The following CSMD3 variants were observed in gnomAD, a reference collection of about 807,000 sequenced individuals.
The protein encoded by CSMD3 is CUB and sushi domain-containing protein 3.
A neutral mutation model predicts 435.2 loss-of-function variants in CSMD3; 177 were observed. That is an observed-to-expected ratio of 0.41 (90% confidence interval 0.36 to 0.46). CSMD3 has a LOEUF of 0.46. Among genes scored for constraint, CSMD3 ranks in the 20% least tolerant of loss-of-function variants. The pLI is 0.34. For missense variants in CSMD3, 4,265 were observed against 4,504.6 expected (o/e 0.95, Z 1.52); for synonymous variants, 1,656 against 1,520.5 (o/e 1.09, Z -2.07).
Position 112,650,231 on chromosome 8 carries a change from C to A in CSMD3, c.3123G>T (p.Arg1041Ser), listed in dbSNP as rs529705096. The change falls in exon 19 of 71, where the codon AGG becomes AGT. Residue 1041 changes from arginine (R) to serine (S), a missense_variant. Arg to Ser is a moderately radical substitution (Grantham distance 110). Coordinates refer to ENST00000297405, the MANE Select transcript of CSMD3 (RefSeq NM_198123.2). ...TVSFSCDSGY[R>S]LSHEEPLLCE... Reference sequence around the variant, plus strand: ...ATAGAAGGGGCTCTTCATGACTCAACCTGTATCCTGAATCACAACTAAATG... The same window carrying A: ...ATAGAAGGGGCTCTTCATGACTCAAACTGTATCCTGAATCACAACTAAATG... The A allele has an allele frequency of 6.2e-7, 1 of 1,613,732 alleles. No homozygotes were observed. Among genetic ancestry groups the A allele is most frequent in the Non-Finnish European group, 8.5e-7 (1 of 1,179,772 alleles).
At chr8:112,982,389 G>A (rs1454512322) in intron 6 of CSMD3, among the ~76,000 whole-genome samples, 1 of 151,858 alleles carries the variant, frequency 6.6e-6, no homozygotes, top group Non-Finnish European at 1.5e-5. Flanking sequence ...AGAAAGAATA[G>A]GATGCCCCTC....
intron 59 of CSMD3, among the ~76,000 whole-genome samples, chr8:112,270,026 G>A (rs192768714): frequency 6.6e-6 from 1 of 152,272 alleles, no homozygotes; most frequent in African/African-American, 2.4e-5. Context: ...TAGAAACAAT[G>A]AGTGTTGGGA....
At chr8:113,403,830 C>T (rs2094520874) in intron 1 of CSMD3, among the ~76,000 whole-genome samples, 1 of 151,424 alleles carries the variant, frequency 6.6e-6, no homozygotes, top group Non-Finnish European at 1.5e-5. Flanking sequence ...GATAGAATCA[C>T]ATTGGCTTCG....
chr8:113,321,473 T>C (rs1362582352), intron 1 of CSMD3, among the ~76,000 whole-genome samples: 1 of 152,144 alleles, frequency 6.6e-6, no homozygotes, highest in East Asian at 1.9e-4. Context: ...GTTCACTTAC[T>C]AGATATTAAG....
At position 113,019,168 on chromosome 8, in the gene CSMD3, A is replaced by C. The variant is rs2086588659; in HGVS notation, c.929T>G (p.Met310Arg). Residue 310 changes from methionine to arginine, a missense_variant, in exon 6 of 71, where the codon ATG becomes AGG. Met to Arg is a moderately conservative substitution (Grantham distance 91, BLOSUM62 -1). Around this residue, in one of 3 missense-constraint regions of CSMD3, gnomAD observed 731 missense variants for 755.4 expected, o/e 0.97. Transcript: ENST00000297405. Reference sequence around the variant, plus strand: ...GCTGATAATTGGTGGTGGTATATTCATTCCAGATAACCTGAATTACAAAAG... The same window carrying C: ...GCTGATAATTGGTGGTGGTATATTCCTTCCAGATAACCTGAATTACAAAAG... The part of the protein sequence containing the change: ...SEPPTIWLSG[M>R]NIPPPIISNK... 3 of 1,608,750 alleles carry C rather than the reference A, an allele frequency of 1.9e-6. No individual in the cohort carries two copies. The highest frequency in any genetic ancestry group is 1.7e-5 in the Admixed American group (1 of 59,998).
intron 4 of CSMD3, among the ~76,000 whole-genome samples, chr8:113,149,593 G>T (rs1223369534): frequency 6.6e-6 from 1 of 151,882 alleles, no homozygotes; most frequent in Non-Finnish European, 1.5e-5. Context: ...AAATCTCAAA[G>T]TCTGACTGTG....
chr8:112,917,520 T>A (rs1459002), intron 10 of CSMD3, among the ~76,000 whole-genome samples: 150,375 of 151,882 alleles, frequency 0.99, 74,450 homozygotes, highest in East Asian at 1. Context: ...AAAAAGTTGC[T>A]TAAAGGCAAA....
At chr8:112,384,833 A>G (rs1829794599) in intron 36 of CSMD3, among the ~76,000 whole-genome samples, 1 of 152,190 alleles carries the variant, frequency 6.6e-6, no homozygotes, top group Non-Finnish European at 1.5e-5. Context: ...CCACCTCCTT[A>G]AACAATTATC....
intron 54 of CSMD3, 97 bp from the exon 55 acceptor site, chr8:112,292,807 C>T: frequency 9.1e-7 from 1 of 1,094,200 alleles, no homozygotes. Context: ...TCATTTCAAA[C>T]AAAGTAGAAA....
intron 32 of CSMD3, among the ~76,000 whole-genome samples, chr8:112,457,821 T>C (rs1816987787): frequency 6.6e-6 from 1 of 152,078 alleles, no homozygotes; most frequent in South Asian, 2.1e-4. Flanking sequence ...AATGTCTAAA[T>C]GCTTAGGACT....
chr8:112,904,345 C>T (rs2082194807), intron 10 of CSMD3, among the ~76,000 whole-genome samples: 1 of 151,358 alleles, frequency 6.6e-6, no homozygotes, highest in Non-Finnish European at 1.5e-5. Context: ...TTAACCATTC[C>T]ACAGTGTATA....
At chr8:112,314,644 A>C (rs556063233) in intron 47 of CSMD3, 27 bp from the exon 48 acceptor site, 2 of 1,547,354 alleles carry the variant, frequency 1.3e-6, no homozygotes, top group East Asian at 4.5e-5. Context: ...TCATTAAATA[A>C]TGCCAGTCTT....
At position 113,287,945 on chromosome 8, in the gene CSMD3, T is replaced by G. The variant is rs375874148; in HGVS notation, c.402-9241A>C. Among the ~76,000 whole-genome samples, 12 of 152,062 alleles carry G rather than the reference T, an allele frequency of 7.9e-5. No individual in the cohort carries two copies. The South Asian group carries it at 1.2e-3, about 16-fold the overall frequency. On this transcript the variant is annotated intron_variant, in intron 2 of 70. Coordinates refer to ENST00000297405, the MANE Select transcript of CSMD3 (RefSeq NM_198123.2). ...GAATTCCTGCTTGAAATATTTCATTTTTTTGGTCTGAGCACTGAGAAATGC... is the reference window on the plus strand; with the variant it reads ...GAATTCCTGCTTGAAATATTTCATTGTTTTGGTCTGAGCACTGAGAAATGC...
intron 67 of CSMD3, among the ~76,000 whole-genome samples, 178 bp from the exon 68 acceptor site, chr8:112,234,655 T>C (rs985247973): frequency 6.6e-6 from 1 of 152,240 alleles, no homozygotes; most frequent in African/African-American, 2.4e-5. Flanking sequence ...GTAATATACA[T>C]TGATTTATCT....
chr8:113,153,419 A>G (rs2091871757), intron 4 of CSMD3, among the ~76,000 whole-genome samples: 1 of 152,068 alleles, frequency 6.6e-6, no homozygotes, highest in African/African-American at 2.4e-5. Context: ...AAGGGAACAA[A>G]CAATGATTGC....
intron 1 of CSMD3, among the ~76,000 whole-genome samples, chr8:113,334,278 T>TA (rs997375893): frequency 6.2e-4 from 13 of 21,088 alleles, no homozygotes; most frequent in Non-Finnish European, 9.3e-5. Context: ...ATAGTTTAAG[T>TA]TTTTTTTTTT....
At chr8:112,435,892 A>C (rs1254184172) in intron 32 of CSMD3, among the ~76,000 whole-genome samples, 1 of 152,016 alleles carries the variant, frequency 6.6e-6, no homozygotes, top group Non-Finnish European at 1.5e-5. Flanking sequence ...CTCTGAAAAG[A>C]TGTTTTCATT....
rs145759457 is a variant in CSMD3 at position 112,914,184 on chromosome 8, C to T, written c.1633+7443G>A. Reference sequence around the variant, plus strand: ...TTTATTTCCCAAAGGGTAATACTATCATTTCTGTCTTCTGTCTTTCCTTTG... The same window carrying T: ...TTTATTTCCCAAAGGGTAATACTATTATTTCTGTCTTCTGTCTTTCCTTTG... On this transcript the variant is annotated intron_variant, in intron 10 of 70. Coordinates refer to ENST00000297405, the MANE Select transcript of CSMD3 (RefSeq NM_198123.2). 2.3e-3 allele frequency among the ~76,000 whole-genome samples: 344 copies of T among 151,998 alleles called. 1 individual carries two copies. The highest frequency in any genetic ancestry group is 7.9e-3 in the African/African-American group (329 of 41,492).
intron 3 of CSMD3, among the ~76,000 whole-genome samples, chr8:113,257,174 C>T (rs935339863): frequency 2.0e-5 from 3 of 152,012 alleles, no homozygotes; most frequent in East Asian, 1.9e-4. Flanking sequence ...TTTGGGAGGC[C>T]GAGGCGGGCG....
Sources: gnomAD v4.1 joint callset for allele counts (sites outside exome capture counted in the v4.1 genomes callset) on GRCh38, gnomAD v4.1.1 for gene constraint, gnomAD v4.1.1 regional missense constraint, MANE v1.5 for transcripts, NCBI Gene and HGNC (gene_info 2026-07-23, HGNC 2026-07-21) for gene names.